Variants in MPP7 observed in about 807,000 individuals in gnomAD.
The protein encoded by MPP7 is MAGUK p55 subfamily member 7.
In MPP7, 60 loss-of-function variants were observed where a neutral mutation model predicts 76.5. The observed-to-expected ratio is 0.78, with a 90% CI of 0.64 to 0.97. MPP7 has a LOEUF of 0.97. Among genes scored for constraint, MPP7 ranks in the 50% least tolerant of loss-of-function variants. The pLI is 0.00. For missense variants in MPP7, 641 were observed against 694.0 expected, an observed-to-expected ratio of 0.92 and a Z score of 0.86; for synonymous variants, 237 against 244.5, an observed-to-expected ratio of 0.97 and a Z score of 0.29.
intron 12 of MPP7, among the ~76,000 whole-genome samples, chr10:28,074,938 G>T (rs11006842): frequency 2.4e-4 from 37 of 152,226 alleles, no homozygotes; most frequent in Non-Finnish European, 3.4e-4. Context: ...ACCTGAGACT[G>T]GGTTATTTAT....
intron 2 of MPP7, among the ~76,000 whole-genome samples, chr10:28,319,544 G>A (rs559876761): frequency 6.6e-6 from 1 of 151,862 alleles, no homozygotes; most frequent in East Asian, 1.9e-4. Context: ...CCAGCATGGT[G>A]GTCTGGGAAA....
At chr10:28,244,944 C>T (rs1839385448) in intron 1 of MPP7, among the ~76,000 whole-genome samples, 1 of 152,138 alleles carries the variant, frequency 6.6e-6, no homozygotes, top group East Asian at 1.9e-4. Flanking sequence ...AATGAGTGCA[C>T]CATGACCCCA....
intron 2 of MPP7, among the ~76,000 whole-genome samples, chr10:28,232,536 T>A (rs1838924282): frequency 6.6e-6 from 1 of 152,188 alleles, no homozygotes; most frequent in South Asian, 2.1e-4. Flanking sequence ...TTAATTTTTT[T>A]AAAATAATAC....
rs79904529 is a variant in MPP7, at chr10:28,099,286, A to G, written c.953-9445T>C. ...TAACTCAAAGAAAATCAATACTACT[A>G]CGTTACCACCTGTAATTTTTCAAAT... On this transcript the variant is annotated intron_variant, in intron 11 of 16. Transcript: ENST00000683449. Among the ~76,000 whole-genome samples the G allele has an allele frequency of 4.7e-4, 71 of 152,302 alleles. 1 individual carries two copies. The East Asian group carries it at 9.5e-3, about 20-fold the overall frequency.
chr10:28,331,322 G>A (rs1834468345), intron 1 of MPP7, among the ~76,000 whole-genome samples: 2 of 152,136 alleles, frequency 1.3e-5, no homozygotes, highest in African/African-American at 4.8e-5. Flanking sequence ...CCTCAGGGAA[G>A]TTACAAGGGT....
chr10:28,259,011 C>A (rs1839871335), intron 1 of MPP7, among the ~76,000 whole-genome samples: 1 of 152,124 alleles, frequency 6.6e-6, no homozygotes, highest in African/African-American at 2.4e-5. Flanking sequence ...TGAGAAGGCT[C>A]AGGACTCAAA....
chr10:28,110,155 A>G (rs533937076), intron 11 of MPP7, among the ~76,000 whole-genome samples: 87 of 151,038 alleles, frequency 5.8e-4, no homozygotes, highest in African/African-American at 2.1e-3. Flanking sequence ...CAATGGTGCA[A>G]TCTCGACTCA....
chr10:28,219,771 G>A (rs776100830), intron 2 of MPP7, among the ~76,000 whole-genome samples: 16 of 151,856 alleles, frequency 1.1e-4, no homozygotes, highest in Non-Finnish European at 1.9e-4. Flanking sequence ...ATATATCGAC[G>A]CCCAGAACAA....
intron 11 of MPP7, among the ~76,000 whole-genome samples, chr10:28,092,757 T>TTTTC (rs1378449637): frequency 2.0e-4 from 30 of 148,860 alleles, no homozygotes; most frequent in African/African-American, 7.5e-4. Context: ...TTTTTTTTTT[T>TTTTC]TTTGAAGAGA....
intron 3 of MPP7, among the ~76,000 whole-genome samples, chr10:28,150,782 C>T (rs988050511): frequency 6.6e-6 from 1 of 151,888 alleles, no homozygotes; most frequent in African/African-American, 2.4e-5. Context: ...CCCTTCATTT[C>T]CCATTATTGT....
At chr10:28,135,841 A>G (rs1835336855) in intron 5 of MPP7, among the ~76,000 whole-genome samples, 1 of 152,184 alleles carries the variant, frequency 6.6e-6, no homozygotes, top group Non-Finnish European at 1.5e-5. Flanking sequence ...AAAGCTCAAG[A>G]ATACTATCTA....
At chr10:28,295,235 C>T (rs1589036951) in intron 1 of MPP7, among the ~76,000 whole-genome samples, 1 of 152,118 alleles carries the variant, frequency 6.6e-6, no homozygotes, top group Non-Finnish European at 1.5e-5. Flanking sequence ...AATTTGTATC[C>T]TATTTAAAAT....
At chr10:28,120,957 A>G (rs1018982254) in intron 8 of MPP7, among the ~76,000 whole-genome samples, 2 of 152,234 alleles carry the variant, frequency 1.3e-5, no homozygotes, top group Non-Finnish European at 2.9e-5. Context: ...TTCGAAATAG[A>G]AACACACAAA....
At chr10:28,066,106 A>G (rs1324584124) in intron 13 of MPP7, among the ~76,000 whole-genome samples, 3 of 152,110 alleles carry the variant, frequency 2.0e-5, no homozygotes, top group East Asian at 3.9e-4. Context: ...TTGGCTCACA[A>G]CTATAATCTC....
chr10:28,313,650 T>C (rs1198334645), intron 2 of MPP7, among the ~76,000 whole-genome samples: 2 of 152,120 alleles, frequency 1.3e-5, no homozygotes, highest in Non-Finnish European at 2.9e-5. Flanking sequence ...ATTTATGAAA[T>C]TTATAATTTA....
At chr10:28,133,544 G>A (rs1588828780) in intron 5 of MPP7, among the ~76,000 whole-genome samples, 2 of 152,120 alleles carry the variant, frequency 1.3e-5, no homozygotes, top group Admixed American at 6.5e-5. Flanking sequence ...TATATTTGCT[G>A]TCTACTGAAA....
intron 3 of MPP7, among the ~76,000 whole-genome samples, chr10:28,173,274 A>C (rs1588883204): frequency 6.6e-6 from 1 of 152,042 alleles, no homozygotes; most frequent in African/African-American, 2.4e-5. Flanking sequence ...AGAGACAAGC[A>C]GATCCATTAT....
intron 5 of MPP7, among the ~76,000 whole-genome samples, chr10:28,135,119 C>T (rs1835312922): frequency 6.6e-6 from 1 of 152,150 alleles, no homozygotes; most frequent in African/African-American, 2.4e-5. Flanking sequence ...CCTATGACTG[C>T]CCCAGCATTG....
chr10:28,152,104 G>A (rs1021137297), intron 3 of MPP7, among the ~76,000 whole-genome samples: 2 of 152,024 alleles, frequency 1.3e-5, no homozygotes, highest in Non-Finnish European at 2.9e-5. Context: ...ATAAAATTAT[G>A]TGCCTCAAAT....
Sources: gnomAD v4.1 joint callset for allele counts (sites outside exome capture counted in the v4.1 genomes callset) on GRCh38, gnomAD v4.1.1 for gene constraint, MANE v1.5 for transcripts, NCBI Gene and HGNC (gene_info 2026-07-23, HGNC 2026-07-21) for gene names.